PTPDC1: variants seen among roughly 807,000 people sequenced by gnomAD.
PTPDC1 encodes the protein protein tyrosine phosphatase domain-containing protein 1.
Under a neutral mutation model 75.3 loss-of-function variants are expected in PTPDC1, and 53 were observed. The observed-to-expected ratio is 0.70, with a 90% confidence interval of 0.56 to 0.88. The LOEUF (loss-of-function observed/expected upper bound fraction) is 0.88. Ranked by LOEUF, PTPDC1 falls within the 40% of genes least tolerant of loss-of-function variation. PTPDC1 has a pLI of 0.00. For synonymous variants in PTPDC1, 349 were observed against 366.2 expected, an observed-to-expected ratio of 0.95 and a Z score of 0.54; for missense variants, 925 against 998.6, an observed-to-expected ratio of 0.93 and a Z score of 0.99.
intron 1 of PTPDC1, among the ~76,000 whole-genome samples, chr9:94,039,170 G>A (rs1205904272): frequency 6.6e-6 from 1 of 152,098 alleles, no homozygotes; most frequent in African/African-American, 2.4e-5. Flanking sequence ...TTAAAATTAT[G>A]TGTGATCATA....
rs1790762704 is a variant in PTPDC1 at position 94,095,370 on chromosome 9, A to G, written c.670A>G (p.Ile224Val). ...TTATGGTGTAGCGTCTCTTACTACT[A>G]TCCTAGATATGGTGAAGGTGATGAC... ...KDYGVASLTT[I>V]LDMVKVMTFA... The change falls in exon 5 of 9, where the codon ATC (isoleucine) becomes GTC (valine). Residue 224 changes from isoleucine (I) to valine (V), a missense_variant. By Grantham distance (29) the Ile-to-Val change is conservative (BLOSUM62 3). Transcript: ENST00000620992. 1.2e-6 allele frequency: 2 copies of G among 1,612,432 alleles called. No individual in the cohort carries two copies. Among genetic ancestry groups the G allele is most frequent in the Non-Finnish European group, 8.5e-7 (1 of 1,178,466 alleles).
chr9:94,042,523 AATGTATAT>A (rs1273882828), intron 1 of PTPDC1, among the ~76,000 whole-genome samples: 1 of 150,976 alleles, frequency 6.6e-6, no homozygotes, highest in African/African-American at 2.4e-5. Flanking sequence ...TAAAAAAAAT[AATGTATAT>A]ACGTTAATTT....
chr9:94,044,726 C>CT (rs71511684), intron 1 of PTPDC1, among the ~76,000 whole-genome samples: 9,282 of 147,310 alleles, frequency 0.063, 916 homozygotes, highest in African/African-American at 0.21. Flanking sequence ...ATACCTTTCT[C>CT]TTTTTTTTTT....
At chr9:94,055,668 G>A (rs1190043651) in intron 1 of PTPDC1, among the ~76,000 whole-genome samples, 1 of 152,152 alleles carries the variant, frequency 6.6e-6, no homozygotes, top group African/African-American at 2.4e-5. Flanking sequence ...ACAGTAAAAA[G>A]ATCAGTGGTT....
chr9:94,039,734 A>C (rs1279608578), intron 1 of PTPDC1, among the ~76,000 whole-genome samples: 1 of 152,142 alleles, frequency 6.6e-6, no homozygotes, highest in African/African-American at 2.4e-5. Flanking sequence ...AGACCTTCCC[A>C]AAAACAAAAG....
chr9:94,092,951 A>G (rs1827384395), intron 4 of PTPDC1, among the ~76,000 whole-genome samples: 1 of 150,542 alleles, frequency 6.6e-6, no homozygotes, highest in South Asian at 2.1e-4. Context: ...ATCTTCCTCC[A>G]TCCTTTTATT....
chr9:94,035,154 C>CTGTGTT (rs1476912958), intron 1 of PTPDC1, among the ~76,000 whole-genome samples: 4 of 152,154 alleles, frequency 2.6e-5, no homozygotes, highest in African/African-American at 9.7e-5. Flanking sequence ...GGTGTTGTGA[C>CTGTGTT]TGTGTTTTTA....
intron 2 of PTPDC1, among the ~76,000 whole-genome samples, chr9:94,065,151 C>T (rs1165041544): frequency 6.6e-6 from 1 of 152,246 alleles, no homozygotes; most frequent in Non-Finnish European, 1.5e-5. Context: ...GTTGTAAGTG[C>T]CACTTAGCAC....
chr9:94,098,335 G>A lies in PTPDC1; in HGVS notation c.1769G>A (p.Gly590Asp). The A allele has an allele frequency of 1.2e-6, 2 of 1,614,210 alleles. No individual in the cohort carries two copies. Among genetic ancestry groups the A allele is most frequent in the Non-Finnish European group, 1.7e-6 (2 of 1,180,044 alleles). ...AAAACTCATGGTGTTGGGAGCCCTG[G>A]CTCTGTCAGGCAGAACAGCAGGACA... Reference protein sequence around the residue: ...QCKTHGVGSPGSVRQNSRTPR... With the variant: ...QCKTHGVGSPDSVRQNSRTPR... Residue 590 changes from glycine to aspartate, a missense_variant, in exon 6 of 9, where the codon GGC becomes GAC. Transcript: ENST00000620992.
At chr9:94,036,198 C>G (rs986940873) in intron 1 of PTPDC1, among the ~76,000 whole-genome samples, 1 of 151,794 alleles carries the variant, frequency 6.6e-6, no homozygotes, top group African/African-American at 2.4e-5. Context: ...TTGTTGTAGA[C>G]CTTTTTTATT....
intron 4 of PTPDC1, among the ~76,000 whole-genome samples, chr9:94,094,658 G>A (rs1291949460): frequency 3.9e-5 from 6 of 152,200 alleles, no homozygotes; most frequent in African/African-American, 1.4e-4. Context: ...GGGCAATGGC[G>A]GGCACCCCTC....
chr9:94,097,533 C>G lies in PTPDC1; in HGVS notation c.967C>G (p.Arg323Gly), dbSNP rs376544074. The G allele has an allele frequency of 2.9e-5, 46 of 1,613,982 alleles. No individual in the cohort carries two copies. The highest frequency in any genetic ancestry group is 1.7e-6 in the Non-Finnish European group (2 of 1,180,040). ...HAVTLPQYLI[R>G]QRHLLHGYEA... ...TGTCACCTTACCTCAATATCTAATTCGCCAGCGTCATCTGCTTCATGGTTA... is the reference window on the plus strand; with the variant it reads ...TGTCACCTTACCTCAATATCTAATTGGCCAGCGTCATCTGCTTCATGGTTA... The change falls in exon 6 of 9, where the codon CGC (arginine) becomes GGC (glycine). Residue 323 changes from arginine (R) to glycine (G), a missense_variant. Transcript: ENST00000620992.
At chr9:94,105,307 TC>T (rs1408101797) in intron 8 of PTPDC1, among the ~76,000 whole-genome samples, 3 of 152,200 alleles carry the variant, frequency 2.0e-5, no homozygotes, top group African/African-American at 7.2e-5. Flanking sequence ...GTCCTTTACA[TC>T]TGTATTTACA....
chr9:94,098,517 C>G lies in PTPDC1; in HGVS notation c.1951C>G (p.Leu651Val). Reference protein sequence around the residue: ...EARRILAAKALANLNESVEKE... With the variant: ...EARRILAAKAVANLNESVEKE... The stretch of plus-strand genomic sequence containing the variant: ...AAGAAGAATACTGGCGGCCAAAGCC[C>G]TAGCAAATTTAAATGAATCTGTAGA... The change falls in exon 6 of 9, where the codon CTA (leucine) becomes GTA (valine). Residue 651 changes from leucine (L) to valine (V), a missense_variant. Physicochemically the swap from Leu to Val is conservative, Grantham distance 32 (BLOSUM62 1). Transcript: ENST00000620992. 3 of 1,614,062 alleles carry G rather than the reference C, an allele frequency of 1.9e-6. No homozygotes were observed. Among genetic ancestry groups the G allele is most frequent in the Non-Finnish European group, 2.5e-6 (3 of 1,180,026 alleles).
intron 1 of PTPDC1, among the ~76,000 whole-genome samples, chr9:94,047,328 A>T (rs1234103766): frequency 2.6e-5 from 4 of 152,186 alleles, no homozygotes; most frequent in Non-Finnish European, 4.4e-5. Context: ...TGTCTCTGCC[A>T]GCCTTTGGTA....
intron 2 of PTPDC1, among the ~76,000 whole-genome samples, chr9:94,075,274 G>A (rs1324250748): frequency 6.6e-6 from 1 of 152,132 alleles, no homozygotes; most frequent in East Asian, 1.9e-4. Context: ...AGCACCACAT[G>A]GTCCTTCTAG....
upstream of PTPDC1, among the ~76,000 whole-genome samples, chr9:94,080,992 TTC>T (rs200958180): frequency 6.7e-4 from 96 of 142,574 alleles, no homozygotes; most frequent in African/African-American, 1.8e-3. Flanking sequence ...CTTTTTCTTT[TTC>T]TTTTTTTTTT....
intron 1 of PTPDC1, 85 bp downstream of exon 1, chr9:94,084,859 A>T: frequency 4.1e-6 from 4 of 964,100 alleles, no homozygotes; most frequent in Non-Finnish European, 4.6e-6. Flanking sequence ...TACCTTTTTA[A>T]ATATTGGCAG....
chr9:94,039,458 A>G (rs904818177), intron 1 of PTPDC1, among the ~76,000 whole-genome samples: 1 of 152,184 alleles, frequency 6.6e-6, no homozygotes, highest in Non-Finnish European at 1.5e-5. Context: ...TTGCATTTTT[A>G]GTCCCATAAA....
Sources: allele counts gnomAD v4.1 joint callset (sites outside exome capture counted in the v4.1 genomes callset), GRCh38; gene constraint gnomAD v4.1.1; transcripts MANE v1.5; gene names NCBI Gene and HGNC (gene_info 2026-07-23, HGNC 2026-07-21).